The following TAFA1 variants were observed in gnomAD, a reference collection of about 807,000 sequenced individuals.
TAFA1 encodes chemokine-like protein TAFA-1.
A neutral mutation model predicts 18.5 loss-of-function variants in TAFA1; 4 were observed. The observed-to-expected ratio is 0.22, with a 90% CI of 0.11 to 0.49. The LOEUF is 0.49. Ranked by LOEUF, TAFA1 falls within the 20% of genes least tolerant of loss-of-function variation. TAFA1 has a pLI of 0.98. For synonymous variants in TAFA1, 56 were observed against 55.2 expected, an observed-to-expected ratio of 1.01 and a Z score of -0.06; for missense variants, 147 against 169.0, an observed-to-expected ratio of 0.87 and a Z score of 0.72.
intron 2 of TAFA1, among the ~76,000 whole-genome samples, chr3:68,373,426 A>G (rs2069750559): frequency 6.6e-6 from 1 of 152,212 alleles, no homozygotes; most frequent in African/African-American, 2.4e-5. Flanking sequence ...TAACCCTAAA[A>G]ACTTACTCTT....
At chr3:68,270,552 G>T (rs1296756701) in intron 2 of TAFA1, among the ~76,000 whole-genome samples, 2 of 152,162 alleles carry the variant, frequency 1.3e-5, no homozygotes, top group African/African-American at 4.8e-5. Context: ...TTTGCTTATT[G>T]TTATGTGTAA....
chr3:68,000,234 C>T (rs1283807775), upstream of TAFA1, among the ~76,000 whole-genome samples: 1 of 152,202 alleles, frequency 6.6e-6, no homozygotes, highest in Non-Finnish European at 1.5e-5. Context: ...ATGTTAGACT[C>T]TGAAGATGCA....
chr3:68,538,788 A>G lies in TAFA1; in HGVS notation c.292A>G (p.Met98Val). The G allele has an allele frequency of 6.2e-7, 1 of 1,613,540 alleles. No individual in the cohort carries two copies. The highest frequency in any genetic ancestry group is 8.5e-7 in the Non-Finnish European group (1 of 1,179,632). ...SIVIGKWWCEMEPCLEGEECK... is the reference protein window; with the variant it reads ...SIVIGKWWCEVEPCLEGEECK... ...AGTGATTGGGAAATGGTGGTGTGAG[A>G]TGGAGCCTTGCCTAGAAGGAGAAGA... The change falls in exon 4 of 5, where the codon ATG becomes GTG. Residue 98 changes from methionine (M) to valine (V), a missense_variant. Physicochemically the swap from Met to Val is conservative, Grantham distance 21. Transcript: ENST00000478136.
chr3:68,524,119 C>G (rs1023744817), intron 3 of TAFA1, among the ~76,000 whole-genome samples: 3 of 152,092 alleles, frequency 2.0e-5, no homozygotes. Context: ...TTCTTCTGGT[C>G]TGGGCTGGCT....
chr3:68,513,596 G>A (rs1201701488), intron 3 of TAFA1, among the ~76,000 whole-genome samples: 1 of 152,064 alleles, frequency 6.6e-6, no homozygotes, highest in African/African-American at 2.4e-5. Context: ...CATAAAGCCT[G>A]ATGCATTCAA....
intron 3 of TAFA1, among the ~76,000 whole-genome samples, chr3:68,434,461 A>G (rs2071234825): frequency 6.6e-6 from 1 of 152,062 alleles, no homozygotes; most frequent in South Asian, 2.1e-4. Context: ...ACCATACCTA[A>G]GATGTCTGTT....
intron 3 of TAFA1, among the ~76,000 whole-genome samples, chr3:68,500,365 A>T (rs1470846890): frequency 1.3e-5 from 2 of 152,168 alleles, no homozygotes; most frequent in Non-Finnish European, 2.9e-5. Context: ...AAGGACATAA[A>T]ATATAAGCCC....
At chr3:68,020,640 A>G (rs1203151764) in intron 2 of TAFA1, among the ~76,000 whole-genome samples, 1 of 152,178 alleles carries the variant, frequency 6.6e-6, no homozygotes, top group Non-Finnish European at 1.5e-5. Flanking sequence ...TTATATGAAA[A>G]GATGCACATA....
At chr3:68,062,678 G>A (rs928887216) in intron 2 of TAFA1, among the ~76,000 whole-genome samples, 1 of 152,192 alleles carries the variant, frequency 6.6e-6, no homozygotes, top group Non-Finnish European at 1.5e-5. Flanking sequence ...CACATCAAGA[G>A]TGGAGACAAA....
At chr3:68,155,404 G>A (rs2065856275) in intron 2 of TAFA1, among the ~76,000 whole-genome samples, 1 of 152,154 alleles carries the variant, frequency 6.6e-6, no homozygotes, top group Non-Finnish European at 1.5e-5. Flanking sequence ...ATTCTGTCTT[G>A]CTTACTTTTT....
intron 2 of TAFA1, among the ~76,000 whole-genome samples, chr3:68,118,471 T>C (rs1386726520): frequency 1.3e-5 from 2 of 152,188 alleles, no homozygotes; most frequent in African/African-American, 4.8e-5. Flanking sequence ...GGACTGGTAC[T>C]GGTCTGTGGC....
chr3:68,103,444 G>C (rs1188015340), intron 2 of TAFA1, among the ~76,000 whole-genome samples: 1 of 152,036 alleles, frequency 6.6e-6, no homozygotes. Flanking sequence ...CTAAATTTTT[G>C]TTAAAATATG....
At chr3:68,405,687 G>A (rs1232914402) in intron 2 of TAFA1, among the ~76,000 whole-genome samples, 1 of 94,356 alleles carries the variant, frequency 1.1e-5, no homozygotes, top group Non-Finnish European at 1.9e-5. Context: ...GCAATGGAGT[G>A]AGACTCTATC....
At chr3:68,374,948 G>A (rs1415630828) in intron 2 of TAFA1, among the ~76,000 whole-genome samples, 1 of 151,156 alleles carries the variant, frequency 6.6e-6, no homozygotes, top group East Asian at 2.0e-4. Flanking sequence ...TACAAGAAGA[G>A]CATTGTCTCC....
intron 2 of TAFA1, among the ~76,000 whole-genome samples, chr3:68,405,279 T>C (rs2070576331): frequency 6.6e-6 from 1 of 152,070 alleles, no homozygotes; most frequent in African/African-American, 2.4e-5. Context: ...TCTTTCTCAG[T>C]ATGTATTCCT....
chr3:68,412,937 C>T (rs368251861), intron 2 of TAFA1, among the ~76,000 whole-genome samples: 12 of 151,474 alleles, frequency 7.9e-5, no homozygotes, highest in Non-Finnish European at 1.5e-4. Flanking sequence ...TTCTAGATCC[C>T]TGAGGAATTG....
chr3:68,417,148 G>T, intron 2 of TAFA1, 132 bp from the exon 3 acceptor site: 1 of 689,850 alleles, frequency 1.4e-6, no homozygotes, highest in Non-Finnish European at 2.5e-6. Context: ...GAGTCCTGTT[G>T]TAATTGTATT....
At chr3:68,213,059 A>C (rs2066614995) in intron 2 of TAFA1, among the ~76,000 whole-genome samples, 2 of 151,864 alleles carry the variant, frequency 1.3e-5, no homozygotes, top group Admixed American at 1.3e-4. Context: ...GAGTAAAAAC[A>C]TAACACAGGT....
chr3:68,493,203 G>C (rs957485771), intron 3 of TAFA1, among the ~76,000 whole-genome samples: 1 of 152,012 alleles, frequency 6.6e-6, no homozygotes, highest in Non-Finnish European at 1.5e-5. Flanking sequence ...CCATGAACTT[G>C]ACTACTGAAA....
Sources: allele counts gnomAD v4.1 joint callset (sites outside exome capture counted in the v4.1 genomes callset), GRCh38; gene constraint gnomAD v4.1.1; transcripts MANE v1.5; gene names NCBI Gene and HGNC (gene_info 2026-07-23, HGNC 2026-07-21).